Variants in ANKRD17 observed in about 807,000 individuals in gnomAD.
ANKRD17 encodes the protein ankyrin repeat domain 17.
Under a neutral mutation model 229.7 loss-of-function variants are expected in ANKRD17, and 19 were observed. The observed-to-expected ratio is 0.08, with a 90% CI of 0.06 to 0.12. ANKRD17 has a LOEUF of 0.12. Ranked by LOEUF, ANKRD17 falls within the 10% of genes least tolerant of loss-of-function variation. ANKRD17 has a pLI of 1.00. For synonymous variants in ANKRD17, 1,112 were observed against 1,146.1 expected (o/e 0.97, Z 0.60); for missense variants, 2,176 against 3,176.8 (o/e 0.68, Z 7.57).
At chr4:73,094,678 T>C (rs1008278370) in intron 27 of ANKRD17, among the ~76,000 whole-genome samples, 2 of 149,930 alleles carry the variant, frequency 1.3e-5, no homozygotes, top group African/African-American at 4.9e-5. Flanking sequence ...TATGTATATA[T>C]AGACATATAT....
intron 2 of ANKRD17, among the ~76,000 whole-genome samples, chr4:73,164,956 A>G (rs537259589): frequency 6.6e-6 from 1 of 151,004 alleles, no homozygotes; most frequent in African/African-American, 2.4e-5. Context: ...ACACTATTAA[A>G]CTTATTAAAT....
At chr4:73,101,869 T>C (rs781720369) in intron 25 of ANKRD17, among the ~76,000 whole-genome samples, 48 of 152,256 alleles carry the variant, frequency 3.2e-4, no homozygotes, top group Non-Finnish European at 5.7e-4. Flanking sequence ...GTCTGTAGTT[T>C]TGAAACTTTT....
At chr4:73,179,436 G>A (rs1735156029) in intron 1 of ANKRD17, among the ~76,000 whole-genome samples, 1 of 140,710 alleles carries the variant, frequency 7.1e-6, no homozygotes, top group Non-Finnish European at 1.5e-5. Context: ...ATATGTGTGT[G>A]TGTATATATA....
chr4:73,177,579 C>T lies in ANKRD17; in HGVS notation c.394-46G>A, dbSNP rs766255316. On this transcript the variant is annotated intron_variant, in intron 1 of 33. Transcript: ENST00000358602. ...GAGGGAGGAAGGGAGAAATGAACAG[C>T]GAAAGGAAAAGAGGGGAGAGAAATA... is the stretch of plus-strand genomic sequence containing the variant. 6.2e-6 allele frequency: 9 copies of T among 1,450,316 alleles called. No individual in the cohort carries two copies. The African/African-American group carries it at 7.1e-5, about 11-fold the overall frequency. The allele number at this position is 1,450,316 out of a possible 1,614,324, so 89.8% of individuals were successfully genotyped here. A position where few individuals can be genotyped will look rare whatever the true frequency, so the allele number is the denominator to read the frequency against.
intron 1 of ANKRD17, among the ~76,000 whole-genome samples, chr4:73,194,506 C>T (rs1324919882): frequency 1.3e-5 from 2 of 151,702 alleles, no homozygotes; most frequent in Non-Finnish European, 2.9e-5. Flanking sequence ...TTTTCAAAAC[C>T]GTTTTGGTTA....
chr4:73,128,191 G>A (rs1468825314), intron 16 of ANKRD17, among the ~76,000 whole-genome samples: 4 of 152,186 alleles, frequency 2.6e-5, no homozygotes. Flanking sequence ...ATAACTTTCC[G>A]ATGGCCACAT....
At chr4:73,089,224 A>G (rs1722520291) in intron 29 of ANKRD17, among the ~76,000 whole-genome samples, 1 of 151,818 alleles carries the variant, frequency 6.6e-6, no homozygotes, top group African/African-American at 2.4e-5. Flanking sequence ...TTTTGTAGAG[A>G]TGGGGTCTCC....
At chr4:73,114,360 T>C (rs990898624) in intron 23 of ANKRD17, among the ~76,000 whole-genome samples, 2 of 152,204 alleles carry the variant, frequency 1.3e-5, no homozygotes, top group Non-Finnish European at 2.9e-5. Flanking sequence ...AGGAATCAGA[T>C]ACATGTACTT....
intron 1 of ANKRD17, among the ~76,000 whole-genome samples, chr4:73,238,989 C>A (rs1336791407): frequency 6.6e-6 from 1 of 152,064 alleles, no homozygotes; most frequent in Admixed American, 6.6e-5. Flanking sequence ...TACACATAAA[C>A]CAATTAGAAT....
chr4:73,222,966 A>G, intron 1 of ANKRD17: 1 of 1,529,990 alleles, frequency 6.5e-7, no homozygotes, highest in Non-Finnish European at 8.8e-7. Flanking sequence ...TTACAAACCT[A>G]GCCCTACCTC....
At chr4:73,142,553 G>T in intron 12 of ANKRD17, 87 bp downstream of exon 12, 1 of 1,597,976 alleles carries the variant, frequency 6.3e-7, no homozygotes, top group Non-Finnish European at 8.5e-7. Flanking sequence ...ATGCCATTAT[G>T]AATGGAACTT....
intron 1 of ANKRD17, among the ~76,000 whole-genome samples, chr4:73,218,579 G>A (rs1292699985): frequency 6.7e-6 from 1 of 148,894 alleles, no homozygotes; most frequent in Non-Finnish European, 1.5e-5. Context: ...TGAGGGGGAG[G>A]TTGCAGTGAG....
At chr4:73,202,776 A>G (rs925149771) in intron 1 of ANKRD17, among the ~76,000 whole-genome samples, 1 of 152,220 alleles carries the variant, frequency 6.6e-6, no homozygotes, top group African/African-American at 2.4e-5. Context: ...AACATCCAGC[A>G]TCTAATAAAA....
chr4:73,244,117 A>C (rs1744276069), intron 1 of ANKRD17, among the ~76,000 whole-genome samples: 2 of 152,048 alleles, frequency 1.3e-5, no homozygotes, highest in South Asian at 4.2e-4. Flanking sequence ...CCTGTGTTCA[A>C]ATGTCCTCTT....
chr4:73,226,401 T>TG (rs1379074916), intron 1 of ANKRD17, among the ~76,000 whole-genome samples: 2 of 140,058 alleles, frequency 1.4e-5, no homozygotes, highest in African/African-American at 5.3e-5. Flanking sequence ...TTTTTTTTTT[T>TG]TTTTTTTTTT....
At chr4:73,237,154 C>T (rs892143528) in intron 1 of ANKRD17, among the ~76,000 whole-genome samples, 5 of 152,228 alleles carry the variant, frequency 3.3e-5, no homozygotes, top group African/African-American at 7.2e-5. Context: ...GGAAGACCTT[C>T]GTATTTGATT....
At chr4:73,179,486 G>A (rs60624477) in intron 1 of ANKRD17, among the ~76,000 whole-genome samples, 6,024 of 58,318 alleles carry the variant, frequency 0.1, 347 homozygotes, top group Non-Finnish European at 0.14. Flanking sequence ...GTGTGTGTGT[G>A]TGTATATATA....
In ANKRD17 at chr4:73,091,807, G is replaced by C. The variant is rs758341585; in HGVS notation, c.5821C>G (p.Pro1941Ala). ...TGGCGAGGCACCATGTGAGGCTTAG[G>C]CGAGTTAGTAGCTCTGGCAGGGCTC... ...PLSPARATNS[P>A]KPHMVPRHSN... The change falls in exon 29 of 34, where the codon CCT becomes GCT. Residue 1941 changes from proline (P) to alanine (A), a missense_variant. This residue lies in a region of ANKRD17 where 142 missense variants were observed against 200.4 expected (regional missense o/e 0.71). Transcript: ENST00000358602. The C allele has an allele frequency of 1.2e-6, 2 of 1,614,192 alleles. No homozygotes were observed. Among genetic ancestry groups the C allele is most frequent in the East Asian group, 2.2e-5 (1 of 44,884 alleles).
At position 73,255,728 on chromosome 4, in the gene ANKRD17, C is replaced by CT. The variant is rs953280333; in HGVS notation, c.393+2547dup. ...TGTATAGATTTTTTAAATGGGTACA[C>CT]TTTTTTTTTTTTGAGACAGAGTCTC... On this transcript the variant is annotated intron_variant, in intron 1 of 33. Transcript: ENST00000358602. Among the ~76,000 whole-genome samples the CT allele has an allele frequency of 2.9e-3, 419 of 146,354 alleles. 7 individuals carry two copies. The East Asian group carries it at 0.031, about 11-fold the overall frequency.
Sources: allele counts gnomAD v4.1 joint callset (sites outside exome capture counted in the v4.1 genomes callset), GRCh38; gene constraint gnomAD v4.1.1; regional missense constraint gnomAD v4.1.1; transcripts MANE v1.5; gene names NCBI Gene and HGNC (gene_info 2026-07-23, HGNC 2026-07-21).